The following CNTN4 variants were observed in gnomAD, a reference collection of about 807,000 sequenced individuals.
The protein encoded by CNTN4 is contactin 4, also known as contactin-4.
CNTN4 carries 77 observed loss-of-function variants against 122.5 expected under a neutral mutation model. The observed-to-expected ratio is 0.63, with a 90% CI of 0.52 to 0.76. The LOEUF (loss-of-function observed/expected upper bound fraction) is 0.76, where lower values mean the gene tolerates loss of function less well. CNTN4 is among the 30% of genes least tolerant of loss of function. The pLI is 0.00. For synonymous variants in CNTN4, 512 were observed against 447.0 expected (o/e 1.15, Z -1.83); for missense variants, 1,256 against 1,259.1 (o/e 1.00, Z 0.04).
At chr3:2,286,796 G>C (rs1410600742) in intron 2 of CNTN4, among the ~76,000 whole-genome samples, 1 of 152,034 alleles carries the variant, frequency 6.6e-6, no homozygotes, top group East Asian at 1.9e-4. Flanking sequence ...AAAATGTTGG[G>C]ACATGGTTAA....
intron 2 of CNTN4, among the ~76,000 whole-genome samples, chr3:2,122,821 C>A (rs945234267): frequency 7.9e-5 from 12 of 152,172 alleles, no homozygotes; most frequent in African/African-American, 2.9e-4. Flanking sequence ...TTCACGAAGC[C>A]TCACAAGTGA....
At chr3:2,187,179 T>C (rs918348045) in intron 2 of CNTN4, among the ~76,000 whole-genome samples, 1 of 152,214 alleles carries the variant, frequency 6.6e-6, no homozygotes, top group Admixed American at 6.5e-5. Flanking sequence ...ATTTATTAAA[T>C]AGGGAATCCT....
At chr3:2,360,814 G>T (rs1013659165) in intron 3 of CNTN4, among the ~76,000 whole-genome samples, 3 of 152,150 alleles carry the variant, frequency 2.0e-5, no homozygotes, top group African/African-American at 7.2e-5. Context: ...TCTCTCCCAT[G>T]ACACATGGGG....
chr3:2,636,318 G>A (rs2082655896), intron 4 of CNTN4, among the ~76,000 whole-genome samples: 1 of 152,062 alleles, frequency 6.6e-6, no homozygotes, highest in Non-Finnish European at 1.5e-5. Context: ...TCTCTTCTTT[G>A]GCCCCTCTGT....
At chr3:2,623,065 T>C (rs1235319974) in intron 4 of CNTN4, among the ~76,000 whole-genome samples, 2 of 152,226 alleles carry the variant, frequency 1.3e-5, no homozygotes, top group Non-Finnish European at 2.9e-5. Context: ...TGTGGGGGCA[T>C]ATTTACTCTC....
intron 6 of CNTN4, among the ~76,000 whole-genome samples, chr3:2,795,134 T>C (rs577973340): frequency 6.6e-6 from 1 of 152,342 alleles, no homozygotes; most frequent in Non-Finnish European, 1.5e-5. Context: ...TCTGATAGTT[T>C]TAGTAAGAGT....
chr3:2,937,016 C>G (rs1203776538), intron 13 of CNTN4, among the ~76,000 whole-genome samples: 3 of 152,118 alleles, frequency 2.0e-5, no homozygotes, highest in African/African-American at 7.2e-5. Context: ...CTCTCTGGCT[C>G]TTTACAGAAA....
intron 6 of CNTN4, among the ~76,000 whole-genome samples, chr3:2,774,191 G>A (rs188759516): frequency 1.6e-4 from 24 of 152,188 alleles, no homozygotes; most frequent in Admixed American, 1.4e-3. Flanking sequence ...AACCTGGGAG[G>A]TGGAGGTTGC....
At chr3:2,147,380 A>C (rs922871653) in intron 2 of CNTN4, among the ~76,000 whole-genome samples, 1 of 147,932 alleles carries the variant, frequency 6.8e-6, no homozygotes, top group Non-Finnish European at 1.5e-5. Context: ...TAAAAATAGC[A>C]AAAAAAAAAA....
intron 14 of CNTN4, among the ~76,000 whole-genome samples, chr3:3,006,178 C>T (rs528269259): frequency 3.9e-5 from 6 of 152,166 alleles, no homozygotes; most frequent in South Asian, 2.1e-4. Context: ...GCCCAGCCCA[C>T]GCTGTGTAGA....
intron 4 of CNTN4, among the ~76,000 whole-genome samples, chr3:2,701,803 C>A (rs1366635560): frequency 6.6e-6 from 1 of 152,094 alleles, no homozygotes; most frequent in Non-Finnish European, 1.5e-5. Flanking sequence ...TAGATTGCTG[C>A]AAAAGTAATT....
chr3:2,922,055 C>T (rs2094434618), intron 12 of CNTN4, among the ~76,000 whole-genome samples: 1 of 152,030 alleles, frequency 6.6e-6, no homozygotes, highest in Non-Finnish European at 1.5e-5. Context: ...GAGTGGTGCC[C>T]TCTAGCAGTG....
rs753636621 is a variant in CNTN4, at chr3:2,694,222, T to A, written c.56-41993T>A. Reference sequence around the variant, plus strand: ...TCTAAAAACTCCCATAGTTCCTTGCTCCTACCATTCCCACTTTTAAAGCCA... The same window carrying A: ...TCTAAAAACTCCCATAGTTCCTTGCACCTACCATTCCCACTTTTAAAGCCA... On this transcript the variant is annotated intron_variant, in intron 4 of 24. Coordinates refer to ENST00000418658, the MANE Select transcript of CNTN4 (RefSeq NM_175607.3). 1.5e-4 allele frequency among the ~76,000 whole-genome samples: 23 copies of A among 152,192 alleles called. 1 individual carries two copies. The highest frequency in any genetic ancestry group is 3.2e-4 in the Non-Finnish European group (22 of 68,034).
intron 3 of CNTN4, among the ~76,000 whole-genome samples, chr3:2,437,087 G>A (rs935920458): frequency 2.6e-5 from 4 of 151,914 alleles, no homozygotes; most frequent in Admixed American, 2.0e-4. Context: ...TGTGTTAAGT[G>A]TTTCTTCATC....
intron 3 of CNTN4, among the ~76,000 whole-genome samples, chr3:2,369,006 C>A (rs1044779572): frequency 1.3e-5 from 2 of 152,112 alleles, no homozygotes; most frequent in African/African-American, 4.8e-5. Context: ...CTCCCTGCAA[C>A]CTCCGCCTCC....
At position 2,248,153 on chromosome 3, in the gene CNTN4, CAGTT is replaced by C. The variant is rs528723573; in HGVS notation, c.-144-91021_-144-91018del. Among the ~76,000 whole-genome samples the C allele has an allele frequency of 3.8e-3, 576 of 152,024 alleles. 3 individuals carry two copies. Among genetic ancestry groups the C allele is most frequent in the African/African-American group, 0.013 (543 of 41,496 alleles). ...AAGTTCCTGGCTCATAATAGGTACT[CAGTT>C]AGTAATTCTTGAATCATTAGCTCTA... On this transcript the variant is annotated intron_variant, in intron 2 of 24. Coordinates refer to ENST00000418658, the MANE Select transcript of CNTN4 (RefSeq NM_175607.3).
At chr3:2,937,298 A>T (rs909019105) in intron 13 of CNTN4, among the ~76,000 whole-genome samples, 1 of 152,200 alleles carries the variant, frequency 6.6e-6, no homozygotes. Flanking sequence ...AACTTTTGCC[A>T]GGAAGAACTT....
At chr3:2,896,874 G>T (rs969146386) in intron 10 of CNTN4, among the ~76,000 whole-genome samples, 9 of 150,356 alleles carry the variant, frequency 6.0e-5, no homozygotes, top group African/African-American at 1.7e-4. Context: ...AATTGTGTCC[G>T]CAACCAGAAA....
At chr3:2,111,734 A>T (rs373537701) in intron 2 of CNTN4, among the ~76,000 whole-genome samples, 9 of 152,240 alleles carry the variant, frequency 5.9e-5, no homozygotes, top group African/African-American at 2.2e-4. Flanking sequence ...TAATGGAGGA[A>T]TTCCTGTAGG....
Sources: allele counts gnomAD v4.1 joint callset (sites outside exome capture counted in the v4.1 genomes callset), GRCh38; gene constraint gnomAD v4.1.1; transcripts MANE v1.5; gene names NCBI Gene and HGNC (gene_info 2026-07-23, HGNC 2026-07-21).